Variants in EIF5B observed in about 807,000 individuals in gnomAD.
EIF5B encodes the protein eukaryotic translation initiation factor 5B.
In EIF5B, 47 loss-of-function variants were observed where a neutral mutation model predicts 147.5. That is an observed-to-expected ratio of 0.32 (90% CI 0.25 to 0.41). The LOEUF is 0.41. EIF5B is among the 10% of genes least tolerant of loss of function. EIF5B has a pLI of 1.00. For synonymous variants in EIF5B, 455 were observed against 456.2 expected (o/e 1.00, Z 0.03); for missense variants, 1,064 against 1,413.2 (o/e 0.75, Z 3.96).
chr2:99,399,728 GCT>G lies in EIF5B; in HGVS notation c.*317_*318del, dbSNP rs1675162558. On this transcript the variant is annotated 3_prime_UTR_variant, in exon 24 of 24. Coordinates refer to ENST00000289371, the MANE Select transcript of EIF5B (RefSeq NM_015904.4). ...TTTGGATTTTTATTACAGATCTAAA[GCT>G]CTTTCGATTTTATACTGATTAAATC... 1 of 279,374 alleles carries G rather than the reference GCT, an allele frequency of 3.6e-6. No individual in the cohort carries two copies. The highest frequency in any genetic ancestry group is 7.1e-6 in the Non-Finnish European group (1 of 141,496). The allele number at this position is 279,374 out of a possible 1,614,324, so 17.3% of individuals were successfully genotyped here. A position where few individuals can be genotyped will look rare whatever the true frequency, so the allele number is the denominator to read the frequency against.
chr2:99,398,851 G>T lies in EIF5B; in HGVS notation c.3497G>T (p.Gly1166Val). ...EVCVKIEPIP[G>V]ESPKMFGRHF... ...TGTGTAAAAATAGAACCTATCCCTG[G>T]TGAGTCACCCAAAATGTTTGGAAGA... The change falls in exon 23 of 24, where the codon GGT (glycine) becomes GTT (valine). Residue 1166 changes from glycine (G) to valine (V), a missense_variant. Physicochemically the swap from Gly to Val is moderately radical, Grantham distance 109. Coordinates refer to ENST00000289371, the MANE Select transcript of EIF5B (RefSeq NM_015904.4). 1 of 1,614,092 alleles carries T rather than the reference G, an allele frequency of 6.2e-7. No homozygotes were observed. Among genetic ancestry groups the T allele is most frequent in the Non-Finnish European group, 8.5e-7 (1 of 1,180,016 alleles).
At chr2:99,383,013 G>T in intron 14 of EIF5B, 92 bp downstream of exon 14, 1 of 1,340,170 alleles carries the variant, frequency 7.5e-7, no homozygotes, top group South Asian at 1.6e-5. Flanking sequence ...TACAAGCATA[G>T]CTCATTTTAT....
intron 1 of EIF5B, among the ~76,000 whole-genome samples, chr2:99,356,073 T>C (rs1476524928): frequency 6.6e-6 from 1 of 152,222 alleles, no homozygotes; most frequent in African/African-American, 2.4e-5. Flanking sequence ...TTAAGCGAAG[T>C]GCATACTTTG....
intron 1 of EIF5B, among the ~76,000 whole-genome samples, chr2:99,342,233 CT>C (rs932331317): frequency 9.4e-4 from 136 of 144,916 alleles, no homozygotes; most frequent in Middle Eastern, 3.5e-3. Flanking sequence ...GAGATTTTTC[CT>C]TTTTTTTTTT....
At chr2:99,375,987 T>A (rs79382316) in intron 9 of EIF5B, among the ~76,000 whole-genome samples, 1 of 152,312 alleles carries the variant, frequency 6.6e-6, no homozygotes, top group African/African-American at 2.4e-5. Context: ...TTCCAAATTT[T>A]AAAAAATCTG....
At position 99,371,722 on chromosome 2, in the gene EIF5B, C is replaced by T. The variant is rs778447265; in HGVS notation, c.1544C>T (p.Thr515Ile). The T allele has an allele frequency of 6.2e-7, 1 of 1,611,778 alleles. No individual in the cohort carries two copies. The highest frequency in any genetic ancestry group is 8.5e-7 in the Non-Finnish European group (1 of 1,178,858). ...DWEAMASDEE[T>I]EKVEGNKVHI... ...GAAGCTATGGCCAGTGATGAGGAGA[C>T]AGAAAAAGGTGAATACCTCATAAGC... The change falls in exon 9 of 24, where the codon ACA becomes ATA. Residue 515 changes from threonine to isoleucine, a missense_variant. Thr to Ile is a moderately conservative substitution (Grantham distance 89, BLOSUM62 -1). Transcript: ENST00000289371.
chr2:99,364,850 A>T (rs1674295153), intron 6 of EIF5B, among the ~76,000 whole-genome samples: 1 of 151,338 alleles, frequency 6.6e-6, no homozygotes, highest in African/African-American at 2.4e-5. Context: ...GTTTGCCCAC[A>T]TGACCACGGT....
intron 1 of EIF5B, among the ~76,000 whole-genome samples, chr2:99,347,376 T>G (rs1377107065): frequency 6.6e-6 from 1 of 152,226 alleles, no homozygotes; most frequent in South Asian, 2.1e-4. Context: ...AGTATTGATT[T>G]GAAAGATGAT....
At chr2:99,368,671 A>G in intron 7 of EIF5B, 80 bp downstream of exon 7, 2 of 1,136,150 alleles carry the variant, frequency 1.8e-6, no homozygotes, top group Non-Finnish European at 2.5e-6. Context: ...GTGTCTGTAA[A>G]GAAGAAAGGA....
In EIF5B at chr2:99,361,136, G is replaced by A; in HGVS notation, c.247-12G>A. On this transcript the variant is annotated splice_polypyrimidine_tract_variant and intron_variant, in intron 3 of 23. Coordinates refer to ENST00000289371, the MANE Select transcript of EIF5B (RefSeq NM_015904.4). Reference sequence around the variant, plus strand: ...ATTCTGTTAATTTTTTCTAACAATGGAAATTTTTTAGCCAACAGAAAACAA... The same window carrying A: ...ATTCTGTTAATTTTTTCTAACAATGAAAATTTTTTAGCCAACAGAAAACAA... The A allele has an allele frequency of 2.0e-6, 3 of 1,469,730 alleles. No homozygotes were observed. The highest frequency in any genetic ancestry group is 2.7e-6 in the Non-Finnish European group (3 of 1,112,452). The allele number at this position is 1,469,730 out of a possible 1,614,324, so 91.0% of individuals were successfully genotyped here. A position where few individuals can be genotyped will look rare whatever the true frequency, so the allele number is the denominator to read the frequency against.
chr2:99,354,432 T>G (rs1674048576), intron 1 of EIF5B, among the ~76,000 whole-genome samples: 2 of 152,354 alleles, frequency 1.3e-5, no homozygotes, highest in African/African-American at 4.8e-5. Flanking sequence ...ATATTCTAGT[T>G]GTTAATCCTT....
chr2:99,341,014 C>G (rs1352988589), intron 1 of EIF5B, among the ~76,000 whole-genome samples: 1 of 152,206 alleles, frequency 6.6e-6, no homozygotes, highest in Non-Finnish European at 1.5e-5. Flanking sequence ...TCCTCCCACC[C>G]TGGCCTCCCA....
rs1448420530 is a variant in EIF5B, at chr2:99,379,006, T to A, written c.1843-13T>A. The A allele has an allele frequency of 3.3e-6, 5 of 1,503,816 alleles. No individual in the cohort carries two copies. The highest frequency in any genetic ancestry group is 1.8e-4 in the Middle Eastern group (1 of 5,638). The allele number at this position is 1,503,816 out of a possible 1,614,324, so 93.2% of individuals were successfully genotyped here. On this transcript the variant is annotated splice_polypyrimidine_tract_variant and intron_variant, in intron 10 of 23. Transcript: ENST00000289371. ...ATATTTAATTTTTGATTTTTTTTTTTTTTTATTTCTAGAAACGGCGACTTG... is the reference window on the plus strand; with the variant it reads ...ATATTTAATTTTTGATTTTTTTTTTATTTTATTTCTAGAAACGGCGACTTG...
chr2:99,362,262 A>T (rs866133379), intron 4 of EIF5B, among the ~76,000 whole-genome samples: 1 of 152,234 alleles, frequency 6.6e-6, no homozygotes. Context: ...AAAACTCAAC[A>T]TGCTAAAATT....
At chr2:99,367,273 A>G (rs1674346511) in intron 6 of EIF5B, among the ~76,000 whole-genome samples, 1 of 152,216 alleles carries the variant, frequency 6.6e-6, no homozygotes, top group Non-Finnish European at 1.5e-5. Context: ...TCCAAAATAT[A>G]TAAAGACCTC....
intron 1 of EIF5B, among the ~76,000 whole-genome samples, chr2:99,344,955 T>C (rs2094269370): frequency 6.6e-6 from 1 of 152,188 alleles, no homozygotes. Flanking sequence ...AATTATATAA[T>C]GTATTATAAG....
intron 18 of EIF5B, among the ~76,000 whole-genome samples, 177 bp downstream of exon 18, chr2:99,393,275 A>G (rs1015668420): frequency 6.6e-6 from 1 of 152,142 alleles, no homozygotes; most frequent in African/African-American, 2.4e-5. Context: ...AATCATAGAA[A>G]TTGGTATAAT....
At chr2:99,383,349 G>T (rs1027608304) in intron 14 of EIF5B, among the ~76,000 whole-genome samples, 8 of 152,266 alleles carry the variant, frequency 5.3e-5, no homozygotes, top group African/African-American at 1.9e-4. Context: ...TGCTCTGACT[G>T]CTCCAGCAAC....
In EIF5B at chr2:99,399,618, AGTTCCAATGT is replaced by A; in HGVS notation, c.*206_*215del. The A allele has an allele frequency of 1.9e-6, 1 of 515,778 alleles. No homozygotes were observed. The highest frequency in any genetic ancestry group is 3.5e-5 in the East Asian group (1 of 28,724). The allele number at this position is 515,778 out of a possible 1,614,324, so 32.0% of individuals were successfully genotyped here. ...ACAGTGGTCAGTTACATGTCCCCACAGTTCCAATGTGCCTGTTCACTCACCTCTCCCTTCC... is the reference window on the plus strand; with the variant it reads ...ACAGTGGTCAGTTACATGTCCCCACAGCCTGTTCACTCACCTCTCCCTTCC... On this transcript the variant is annotated 3_prime_UTR_variant, in exon 24 of 24. Transcript: ENST00000289371.
Sources: allele counts gnomAD v4.1 joint callset (sites outside exome capture counted in the v4.1 genomes callset), GRCh38; gene constraint gnomAD v4.1.1; transcripts MANE v1.5; gene names NCBI Gene and HGNC (gene_info 2026-07-23, HGNC 2026-07-21).